KAZN: variants seen among roughly 807,000 people sequenced by gnomAD.
KAZN encodes the protein kazrin.
In KAZN, 40 loss-of-function variants were observed where a neutral mutation model predicts 87.4. The ratio of observed to expected loss-of-function variants is 0.46; its 90% CI spans 0.36 to 0.60. The LOEUF is 0.60. Ranked by LOEUF, KAZN falls within the 20% of genes least tolerant of loss-of-function variation. The probability of loss-of-function intolerance (pLI) is 0.00; values close to 1 mark genes in which losing one functional copy is unlikely to be tolerated. For missense variants in KAZN, 898 were observed against 1,073.9 expected, an observed-to-expected ratio of 0.84 and a Z score of 2.29; for synonymous variants, 466 against 458.3, an observed-to-expected ratio of 1.02 and a Z score of -0.22.
chr1:14,707,405 G>A (rs1461790481), intron 1 of KAZN, among the ~76,000 whole-genome samples: 2 of 152,214 alleles, frequency 1.3e-5, no homozygotes, highest in African/African-American at 2.4e-5. Flanking sequence ...ATCTTCTCAA[G>A]TGTGGGAAAC....
chr1:14,747,939 A>G (rs1184811710), intron 1 of KAZN, among the ~76,000 whole-genome samples: 1 of 152,198 alleles, frequency 6.6e-6, no homozygotes, highest in Non-Finnish European at 1.5e-5. Flanking sequence ...TTCTGTTTTG[A>G]GAATTGTTCT....
intron 2 of KAZN, among the ~76,000 whole-genome samples, chr1:14,326,362 C>A (rs1011246487): frequency 1.3e-5 from 2 of 152,162 alleles, no homozygotes; most frequent in African/African-American, 4.8e-5. Context: ...CTATCCTCTT[C>A]AAAATATTAT....
intron 1 of KAZN, among the ~76,000 whole-genome samples, chr1:14,177,827 A>G (rs1646115955): frequency 1.3e-5 from 2 of 150,476 alleles, no homozygotes; most frequent in South Asian, 4.2e-4. Flanking sequence ...TTTGATTATA[A>G]TATGCCTTGT....
At chr1:14,964,063 G>A (rs1030923240) in intron 2 of KAZN, among the ~76,000 whole-genome samples, 2 of 152,154 alleles carry the variant, frequency 1.3e-5, no homozygotes, top group Non-Finnish European at 2.9e-5. Flanking sequence ...CCAAGTCTTT[G>A]CTATTGTAAA....
intron 1 of KAZN, among the ~76,000 whole-genome samples, chr1:14,704,665 G>A (rs772601263): frequency 1.8e-4 from 27 of 152,262 alleles, no homozygotes; most frequent in Non-Finnish European, 3.8e-4. Context: ...TCCTGCATCT[G>A]GACGTCTTTT....
chr1:14,452,192 G>A (rs911735289), intron 2 of KAZN, among the ~76,000 whole-genome samples: 2 of 152,016 alleles, frequency 1.3e-5, no homozygotes, highest in Non-Finnish European at 2.9e-5. Context: ...TGCCCACCTC[G>A]GCATCCCAAA....
intron 1 of KAZN, among the ~76,000 whole-genome samples, chr1:14,707,623 G>A (rs570011263): frequency 4.0e-4 from 61 of 152,188 alleles, no homozygotes; most frequent in African/African-American, 1.3e-3. Context: ...TTTCTTTAGC[G>A]TTTTGAAGTC....
chr1:14,841,230 C>A (rs891392984), intron 1 of KAZN, among the ~76,000 whole-genome samples: 1 of 151,450 alleles, frequency 6.6e-6, no homozygotes, highest in African/African-American at 2.4e-5. Context: ...ACGTTGAAAC[C>A]CCGTCTCTAC....
At chr1:14,370,120 G>T (rs1660352230) in intron 2 of KAZN, among the ~76,000 whole-genome samples, 1 of 152,192 alleles carries the variant, frequency 6.6e-6, no homozygotes, top group East Asian at 1.9e-4. Flanking sequence ...GATGGAAAGG[G>T]TCAGTGGTTT....
chr1:14,496,100 C>G (rs544224091), intron 2 of KAZN, among the ~76,000 whole-genome samples: 6 of 152,232 alleles, frequency 3.9e-5, no homozygotes, highest in Admixed American at 3.9e-4. Context: ...TTCACCGATT[C>G]AAGACAATGA....
At chr1:14,155,702 T>C (rs1292899055) in intron 1 of KAZN, among the ~76,000 whole-genome samples, 1 of 152,128 alleles carries the variant, frequency 6.6e-6, no homozygotes, top group African/African-American at 2.4e-5. Context: ...CAGGCTGGAG[T>C]GCAGTGGCAC....
At chr1:14,379,258 T>A (rs1661169030) in intron 2 of KAZN, among the ~76,000 whole-genome samples, 1 of 151,678 alleles carries the variant, frequency 6.6e-6, no homozygotes, top group South Asian at 2.1e-4. Context: ...TACACCATGG[T>A]CCTTGGGTGA....
In KAZN at chr1:13,939,060, T is replaced by C. The variant is rs377032619; in HGVS notation, c.91+45304T>C. Among the ~76,000 whole-genome samples the C allele has an allele frequency of 5.3e-5, 8 of 152,334 alleles. No individual in the cohort carries two copies. In the East Asian group the frequency reaches 1.3e-3, roughly 26 times the overall value. ...ATCTTTGGAGTGACTTCCAGGTCTC[T>C]CTCCATTGTCTTGGCTATCAGCACC... On this transcript the variant is annotated intron_variant, in intron 1 of 16. Transcript: ENST00000636203.
intron 2 of KAZN, among the ~76,000 whole-genome samples, chr1:14,518,374 G>A (rs542819011): frequency 2.0e-5 from 3 of 151,718 alleles, no homozygotes; most frequent in East Asian, 1.9e-4. Context: ...ACAGGATTTC[G>A]CCATGTTGGC....
At chr1:14,821,704 C>T (rs1406200316) in intron 1 of KAZN, among the ~76,000 whole-genome samples, 1 of 152,100 alleles carries the variant, frequency 6.6e-6, no homozygotes, top group Non-Finnish European at 1.5e-5. Flanking sequence ...GAAACGACCC[C>T]TGCTAACACC....
intron 2 of KAZN, among the ~76,000 whole-genome samples, chr1:14,395,042 C>T (rs1205220744): frequency 4.6e-5 from 7 of 152,070 alleles, no homozygotes; most frequent in Non-Finnish European, 1.0e-4. Context: ...AGCACAGGCC[C>T]TGGTACAGAA....
chr1:14,711,148 G>C (rs967068751), intron 1 of KAZN, among the ~76,000 whole-genome samples: 13 of 152,130 alleles, frequency 8.5e-5, no homozygotes, highest in Admixed American at 7.2e-4. Flanking sequence ...AGCCATGATG[G>C]CACCACTGCC....
At chr1:14,806,540 A>G (rs1646229640) in intron 1 of KAZN, among the ~76,000 whole-genome samples, 2 of 152,174 alleles carry the variant, frequency 1.3e-5, no homozygotes, top group African/African-American at 4.8e-5. Flanking sequence ...AGATCCTGGG[A>G]GTCCAAGGGA....
intron 1 of KAZN, among the ~76,000 whole-genome samples, chr1:14,906,217 A>C (rs1656570857): frequency 1.3e-5 from 2 of 150,450 alleles, no homozygotes; most frequent in African/African-American, 4.9e-5. Flanking sequence ...AATAATAATA[A>C]TACAGCACAT....
Sources: allele counts gnomAD v4.1 joint callset (sites outside exome capture counted in the v4.1 genomes callset), GRCh38; gene constraint gnomAD v4.1.1; transcripts MANE v1.5; gene names NCBI Gene and HGNC (gene_info 2026-07-23, HGNC 2026-07-21).